PARVB: variants seen among roughly 807,000 people sequenced by gnomAD.
PARVB encodes parvin beta, also known as beta-parvin.
Under a neutral mutation model 47.0 loss-of-function variants are expected in PARVB, and 46 were observed. The ratio of observed to expected loss-of-function variants is 0.98; its 90% confidence interval spans 0.77 to 1.25. The LOEUF is 1.25. Ranked by LOEUF, PARVB falls within the 50% of genes most tolerant of loss-of-function variation. The pLI is 0.00. For synonymous variants in PARVB, 196 were observed against 196.3 expected (o/e 1.00, Z 0.01); for missense variants, 473 against 471.6 (o/e 1.00, Z -0.03).
chr22:44,022,859 G>A (rs2146873143), upstream of PARVB, among the ~76,000 whole-genome samples: 1 of 151,892 alleles, frequency 6.6e-6, no homozygotes, highest in African/African-American at 2.4e-5. Context: ...CGATCCTTGT[G>A]CCTCAGCCTC....
chr22:44,088,653 G>A (rs2052089624), intron 1 of PARVB, among the ~76,000 whole-genome samples: 1 of 152,076 alleles, frequency 6.6e-6, no homozygotes, highest in South Asian at 2.1e-4. Flanking sequence ...TGTATTTTTA[G>A]TAGAGACAGG....
chr22:44,164,115 G>A (rs2272940), intron 12 of PARVB, among the ~76,000 whole-genome samples, 185 bp downstream of exon 12: 22,746 of 152,206 alleles, frequency 0.15, 2,256 homozygotes, highest in East Asian at 0.39. Context: ...GGAGGACTTC[G>A]CTGGTGGAGC....
chr22:44,022,404 A>G (rs554491287), upstream of PARVB, among the ~76,000 whole-genome samples: 8 of 151,988 alleles, frequency 5.3e-5, no homozygotes, highest in South Asian at 1.7e-3. Context: ...CCCCATCCAC[A>G]TGGTCCCTGT....
chr22:44,032,122 G>C (rs2050836888), intron 1 of PARVB, among the ~76,000 whole-genome samples: 1 of 152,172 alleles, frequency 6.6e-6, no homozygotes, highest in South Asian at 2.1e-4. Flanking sequence ...TTGCTGTCTT[G>C]GTAAAAGAAG....
chr22:44,117,279 A>G (rs1480900727), intron 3 of PARVB, among the ~76,000 whole-genome samples: 1 of 151,312 alleles, frequency 6.6e-6, no homozygotes, highest in Non-Finnish European at 1.5e-5. Flanking sequence ...GCCCTCAGGC[A>G]TGCATCATGT....
intron 2 of PARVB, among the ~76,000 whole-genome samples, chr22:44,095,310 A>G (rs1239258091): frequency 6.6e-6 from 1 of 152,094 alleles, no homozygotes; most frequent in Non-Finnish European, 1.5e-5. Flanking sequence ...GGAGTTTGAG[A>G]TCAGCCTGGC....
chr22:44,076,185 GAA>G (rs2051768950), intron 1 of PARVB, among the ~76,000 whole-genome samples: 1 of 152,242 alleles, frequency 6.6e-6, no homozygotes, highest in East Asian at 1.9e-4. Context: ...GGCCCTCTCA[GAA>G]AGAGTGGCTC....
rs375834386 is a variant in PARVB at position 44,070,017 on chromosome 22, C to T, written c.113-23911C>T. Among the ~76,000 whole-genome samples, 58 of 152,290 alleles carry T rather than the reference C, an allele frequency of 3.8e-4. 1 individual carries two copies. In the South Asian group the frequency reaches 0.011, roughly 28 times the overall value. ...CAGCCTTGCTGTTATTAGCGCCCAT[C>T]GTGACGGTCGGCCAGGCTGCCCTAT... On this transcript the variant is annotated intron_variant, in intron 1 of 12. Transcript: ENST00000338758.
intron 2 of PARVB, among the ~76,000 whole-genome samples, chr22:44,015,648 A>G (rs959935321): frequency 3.3e-5 from 5 of 152,126 alleles, no homozygotes; most frequent in Non-Finnish European, 7.4e-5. Context: ...GTGAAACCCC[A>G]TCTCTACTAA....
chr22:44,078,674 T>C (rs545104459), intron 1 of PARVB, among the ~76,000 whole-genome samples: 46 of 152,302 alleles, frequency 3.0e-4, no homozygotes, highest in African/African-American at 1.0e-3. Context: ...GCAGGGACCA[T>C]GATCCAGCCT....
intron 8 of PARVB, chr22:44,145,529 C>T (rs2053645475): frequency 6.6e-6 from 1 of 152,254 alleles, no homozygotes; most frequent in African/African-American, 2.4e-5. Context: ...AACAGAGGGT[C>T]CCTCCACTGG....
At chr22:44,036,036 T>C (rs1375905778) in intron 1 of PARVB, among the ~76,000 whole-genome samples, 2 of 152,056 alleles carry the variant, frequency 1.3e-5, no homozygotes, top group Non-Finnish European at 2.9e-5. Flanking sequence ...GGCGGGCGGA[T>C]CACTTAAGGT....
intron 3 of PARVB, among the ~76,000 whole-genome samples, chr22:44,100,909 C>G (rs2052427872): frequency 6.6e-6 from 1 of 151,936 alleles, no homozygotes; most frequent in Non-Finnish European, 1.5e-5. Flanking sequence ...TTCCATAGCC[C>G]ACGGCGAGCT....
chr22:44,149,708 C>T (rs1273051935), intron 9 of PARVB: 3 of 152,306 alleles, frequency 2.0e-5, no homozygotes, highest in African/African-American at 4.8e-5. Context: ...CTTGACTTCT[C>T]CGTCCCACCA....
chr22:44,048,823 G>T (rs2146933856), intron 1 of PARVB, among the ~76,000 whole-genome samples: 1 of 152,284 alleles, frequency 6.6e-6, no homozygotes, highest in South Asian at 2.1e-4. Context: ...GCCTCTCAAA[G>T]TGCTGGGATT....
intron 1 of PARVB, among the ~76,000 whole-genome samples, chr22:44,073,206 T>G (rs900330558): frequency 5.9e-5 from 9 of 152,170 alleles, no homozygotes; most frequent in African/African-American, 2.2e-4. Flanking sequence ...AAGTCAGAAG[T>G]GGGCTGGGCA....
At chr22:44,083,740 G>A (rs1014725688) in intron 1 of PARVB, among the ~76,000 whole-genome samples, 1 of 152,118 alleles carries the variant, frequency 6.6e-6, no homozygotes, top group African/African-American at 2.4e-5. Context: ...GGAGGGGTCT[G>A]CTCATTAACA....
At chr22:44,118,443 A>T (rs1028033667) in intron 3 of PARVB, among the ~76,000 whole-genome samples, 4 of 152,228 alleles carry the variant, frequency 2.6e-5, no homozygotes, top group Non-Finnish European at 5.9e-5. Flanking sequence ...GGGTGCATAC[A>T]AAATGCAGCT....
rs1341280837 is a variant in PARVB at position 44,155,127 on chromosome 22, T to C, written c.844-2855T>C. Reference sequence around the variant, plus strand: ...TTTCCCTCCTTTTCCAAACCATTCTTACATTGCGGACAGCGTCCCAGCTCT... The same window carrying C: ...TTTCCCTCCTTTTCCAAACCATTCTCACATTGCGGACAGCGTCCCAGCTCT... On this transcript the variant is annotated intron_variant, in intron 10 of 12. Transcript: ENST00000338758. This position sits in a 1 kb window ranked among gnomAD's most constrained non-coding sequence, Gnocchi z 4.8. 6.6e-6 allele frequency among the ~76,000 whole-genome samples: 1 copy of C among 152,056 alleles called. No individual in the cohort carries two copies. The highest frequency in any genetic ancestry group is 6.6e-5 in the Admixed American group (1 of 15,260).
Sources: gnomAD v4.1 joint callset for allele counts (sites outside exome capture counted in the v4.1 genomes callset) on GRCh38, gnomAD v4.1.1 for gene constraint, Gnocchi (gnomAD v3.1) non-coding constraint, MANE v1.5 for transcripts, NCBI Gene and HGNC (gene_info 2026-07-23, HGNC 2026-07-21) for gene names.